PPM1E: variants seen among roughly 807,000 people sequenced by gnomAD.
PPM1E encodes protein phosphatase 1E.
Under a neutral mutation model 65.9 loss-of-function variants are expected in PPM1E, and 20 were observed. That is an observed-to-expected ratio of 0.30 (90% confidence interval 0.21 to 0.44). PPM1E has a LOEUF of 0.44. Ranked by LOEUF, PPM1E falls within the 20% of genes least tolerant of loss-of-function variation. The pLI is 1.00. For synonymous variants in PPM1E, 352 were observed against 374.9 expected (o/e 0.94, Z 0.70); for missense variants, 713 against 953.1 (o/e 0.75, Z 3.32).
chr17:58,836,952 G>A (rs1265279612), intron 1 of PPM1E, among the ~76,000 whole-genome samples: 5 of 147,936 alleles, frequency 3.4e-5, no homozygotes, highest in Admixed American at 6.7e-5. Context: ...CCCGGGAGGC[G>A]GAGCTTGCAG....
intron 1 of PPM1E, among the ~76,000 whole-genome samples, chr17:58,758,299 G>A (rs886515493): frequency 6.6e-6 from 1 of 152,060 alleles, no homozygotes; most frequent in Non-Finnish European, 1.5e-5. Context: ...GGGAGGCCGG[G>A]GTGGCAGATC....
intron 1 of PPM1E, among the ~76,000 whole-genome samples, chr17:58,952,323 C>T (rs1354287755): frequency 6.6e-6 from 1 of 152,124 alleles, no homozygotes; most frequent in Non-Finnish European, 1.5e-5. Context: ...GCATGGCTGC[C>T]CAGCTTGGAG....
chr17:58,805,029 C>T (rs2050292210), intron 1 of PPM1E, among the ~76,000 whole-genome samples: 2 of 152,104 alleles, frequency 1.3e-5, no homozygotes, highest in African/African-American at 4.8e-5. Flanking sequence ...CCTCCCACCC[C>T]CCACCATACC....
intron 1 of PPM1E, among the ~76,000 whole-genome samples, chr17:58,794,852 T>G (rs1016259246): frequency 2.6e-5 from 4 of 151,982 alleles, no homozygotes; most frequent in African/African-American, 9.7e-5. Flanking sequence ...TTTGACATTG[T>G]GAATAGTGTT....
rs1024971575 is a variant in PPM1E at position 58,984,108 on chromosome 17, G to T, written c.*3077G>T. The T allele has an allele frequency of 1.3e-5, 2 of 152,630 alleles. No homozygotes were observed. The highest frequency in any genetic ancestry group is 1.5e-5 in the Non-Finnish European group (1 of 68,042). The allele number at this position is 152,630 out of a possible 1,614,324, so 9.5% of individuals were successfully genotyped here. On this transcript the variant is annotated 3_prime_UTR_variant, in exon 7 of 7. Transcript: ENST00000308249. ...GTATATACCTTTTCTTTACCTAGAAGTGCCATCCATTGTCCTTGAATTATT... is the reference window on the plus strand; with the variant it reads ...GTATATACCTTTTCTTTACCTAGAATTGCCATCCATTGTCCTTGAATTATT...
Position 58,805,994 on chromosome 17 carries a change from AC to A in PPM1E, c.464+49534del, listed in dbSNP as rs886689431. 8.8e-3 allele frequency among the ~76,000 whole-genome samples: 1,030 copies of A among 117,568 alleles called. 33 individuals are homozygous for A. The highest frequency in any genetic ancestry group is 0.016 in the African/African-American group (402 of 25,420). The allele number at this position is 117,568 out of a possible 152,430, so 77.1% of individuals were successfully genotyped here. On this transcript the variant is annotated intron_variant, in intron 1 of 6. Coordinates refer to ENST00000308249, the MANE Select transcript of PPM1E (RefSeq NM_014906.5). ...AAAAACAAAAAAAAAACAAAACAAA[AC>A]AAAACAAAAAAAAAACTATATGTAG...
intron 1 of PPM1E, among the ~76,000 whole-genome samples, chr17:58,770,937 G>A (rs1454977283): frequency 1.3e-5 from 2 of 151,520 alleles, no homozygotes; most frequent in Admixed American, 6.6e-5. Context: ...GCACGCTGCA[G>A]CCTCCGCCTC....
intron 2 of PPM1E, among the ~76,000 whole-genome samples, chr17:58,960,620 C>T (rs1445125677): frequency 1.3e-5 from 2 of 151,774 alleles, no homozygotes; most frequent in East Asian, 3.9e-4. Flanking sequence ...ACTAAAAATA[C>T]AAAAATTAGC....
At chr17:58,805,961 C>CAAAAAAAAAA (rs71367632) in intron 1 of PPM1E, among the ~76,000 whole-genome samples, 21 of 69,816 alleles carry the variant, frequency 3.0e-4, no homozygotes, top group South Asian at 1.4e-3. Context: ...AAAAAAAAAA[C>CAAAAAAAAAA]AAAAAAAAAA....
intron 1 of PPM1E, among the ~76,000 whole-genome samples, chr17:58,794,704 G>T (rs975649676): frequency 1.3e-5 from 2 of 152,002 alleles, no homozygotes; most frequent in African/African-American, 4.8e-5. Context: ...TAGGATAATG[G>T]CCTTGAGCTC....
At chr17:58,832,248 T>A (rs1025175729) in intron 1 of PPM1E, among the ~76,000 whole-genome samples, 5 of 152,182 alleles carry the variant, frequency 3.3e-5, no homozygotes, top group African/African-American at 9.7e-5. Flanking sequence ...GGTCACTCAC[T>A]TCTGAATTAA....
At chr17:58,962,661 A>G (rs2030069644) in intron 2 of PPM1E, among the ~76,000 whole-genome samples, 1 of 152,230 alleles carries the variant, frequency 6.6e-6, no homozygotes, top group Non-Finnish European at 1.5e-5. Context: ...GGAGTTGCTC[A>G]AAACAATCAA....
rs137966590 is a variant in PPM1E at position 58,914,567 on chromosome 17, C to T, written c.465-41082C>T. 2.2e-3 allele frequency among the ~76,000 whole-genome samples: 337 copies of T among 152,250 alleles called. 1 individual carries two copies. The highest frequency in any genetic ancestry group is 7.8e-3 in the African/African-American group (325 of 41,538). ...ACCACAGAGGTAATATACCCTTCTCCAGGAGGTAGTGTTAACCCCCATCCC... is the reference window on the plus strand; with the variant it reads ...ACCACAGAGGTAATATACCCTTCTCTAGGAGGTAGTGTTAACCCCCATCCC... On this transcript the variant is annotated intron_variant, in intron 1 of 6. Transcript: ENST00000308249.
At chr17:58,811,890 C>T (rs919354173) in intron 1 of PPM1E, among the ~76,000 whole-genome samples, 3 of 151,934 alleles carry the variant, frequency 2.0e-5, no homozygotes, top group Non-Finnish European at 2.9e-5. Flanking sequence ...AGGATGGTCT[C>T]GATCTCTTGA....
Position 58,916,041 on chromosome 17 carries a change from C to T in PPM1E, c.465-39608C>T, listed in dbSNP as rs547509380. On this transcript the variant is annotated intron_variant, in intron 1 of 6. Transcript: ENST00000308249. ...CTTATTTGTTTGAGACAGGGTTTCT[C>T]GTTATGTTGCCCAGTCTAGACTCAA... Among the ~76,000 whole-genome samples, 9 of 152,262 alleles carry T rather than the reference C, an allele frequency of 5.9e-5. No homozygotes were observed. The East Asian group carries it at 9.6e-4, about 16-fold the overall frequency.
intron 1 of PPM1E, among the ~76,000 whole-genome samples, chr17:58,822,308 T>G (rs1431049660): frequency 1.3e-5 from 2 of 151,322 alleles, no homozygotes; most frequent in African/African-American, 4.8e-5. Context: ...GAAGTAAAGT[T>G]GCTAAGTCTG....
chr17:58,950,480 G>A (rs1337381464), intron 1 of PPM1E, among the ~76,000 whole-genome samples: 6 of 152,148 alleles, frequency 3.9e-5, no homozygotes, highest in Admixed American at 6.6e-5. Context: ...CAAGACCTAC[G>A]AAGTTTTCAG....
chr17:58,895,528 C>T (rs1055316606), intron 1 of PPM1E, among the ~76,000 whole-genome samples: 5 of 151,968 alleles, frequency 3.3e-5, no homozygotes, highest in African/African-American at 7.3e-5. Context: ...TGAAACAGGC[C>T]CTGTGTGATG....
At chr17:58,869,582 C>T (rs2051046591) in intron 1 of PPM1E, among the ~76,000 whole-genome samples, 1 of 152,176 alleles carries the variant, frequency 6.6e-6, no homozygotes. Context: ...AGGCCTTCAC[C>T]AGAGGCAAAT....
Sources: allele counts gnomAD v4.1 joint callset (sites outside exome capture counted in the v4.1 genomes callset), GRCh38; gene constraint gnomAD v4.1.1; transcripts MANE v1.5; gene names NCBI Gene and HGNC (gene_info 2026-07-23, HGNC 2026-07-21).